Variants in RPGRIP1L observed in about 807,000 individuals in gnomAD.
RPGRIP1L encodes the protein protein fantom.
In RPGRIP1L, 131 loss-of-function variants were observed where a neutral mutation model predicts 160.4. The ratio of observed to expected loss-of-function variants is 0.82; its 90% confidence interval spans 0.71 to 0.94. The LOEUF (loss-of-function observed/expected upper bound fraction) is 0.94, where lower values mean the gene tolerates loss of function less well. Among genes scored for constraint, RPGRIP1L ranks in the 40% least tolerant of loss-of-function variants. The pLI is 0.00. For missense variants in RPGRIP1L, 1,522 were observed against 1,535.8 expected (o/e 0.99, Z 0.15); for synonymous variants, 510 against 515.8 (o/e 0.99, Z 0.15).
chr16:53,686,627 A>G, intron 5 of RPGRIP1L, 51 bp from the exon 6 acceptor site: 1 of 1,590,698 alleles, frequency 6.3e-7, no homozygotes. Flanking sequence ...AAATTTTTCA[A>G]TAGTTAAGAT....
intron 16 of RPGRIP1L, among the ~76,000 whole-genome samples, chr16:53,646,982 A>T: frequency 7.1e-6 from 1 of 141,778 alleles, no homozygotes; most frequent in Admixed American, 6.9e-5. Context: ...GAATGACTGA[A>T]AAAGTACCTC....
chr16:53,695,687 T>C (rs780152130), intron 3 of RPGRIP1L: 13 of 463,394 alleles, frequency 2.8e-5, no homozygotes, highest in Non-Finnish European at 4.2e-5. Context: ...ATATAGAATC[T>C]AGTATAACCC....
chr16:53,648,848 AG>A lies in RPGRIP1L; in HGVS notation c.2304+115del, dbSNP rs1966760819. 4 of 934,284 alleles carry A rather than the reference AG, an allele frequency of 4.3e-6. No homozygotes were observed. The Admixed American group carries it at 6.2e-5, about 15-fold the overall frequency. 57.9% of individuals were successfully genotyped at this position (934,284 alleles called of 1,614,324 possible). ...GAGTATATGATTACTTCAAAATAAA[AG>A]TTAAAAAAAGACACTTGATGGCTGT... On this transcript the variant is annotated intron_variant, in intron 16 of 26. Transcript: ENST00000647211.
At chr16:53,623,545 T>C (rs1462853987) in intron 22 of RPGRIP1L, among the ~76,000 whole-genome samples, 1 of 152,248 alleles carries the variant, frequency 6.6e-6, no homozygotes, top group Admixed American at 6.5e-5. Context: ...CATGGTGTGC[T>C]GTTTTATATT....
intron 4 of RPGRIP1L, 93 bp from the exon 5 acceptor site, chr16:53,688,058 T>A: frequency 1.2e-6 from 1 of 804,650 alleles, no homozygotes; most frequent in Non-Finnish European, 2.1e-6. Flanking sequence ...TAATAAAATC[T>A]CTTAAGTATT....
chr16:53,648,606 A>ATG (rs1555602307), intron 16 of RPGRIP1L, among the ~76,000 whole-genome samples: 2 of 125,112 alleles, frequency 1.6e-5, no homozygotes, highest in Admixed American at 1.6e-4. Context: ...ACATATACGT[A>ATG]CGCGCGTGCG....
rs185414433 is a variant in RPGRIP1L at position 53,665,982 on chromosome 16, A to G, written c.1104-973T>C. ...TTCAGCAGAAAACCATTATCTATGA[A>G]GCTTGATATGACTGAATAATCATCA... On this transcript the variant is annotated intron_variant, in intron 9 of 26. Coordinates refer to ENST00000647211, the MANE Select transcript of RPGRIP1L (RefSeq NM_015272.5). Among the ~76,000 whole-genome samples, 6 of 152,318 alleles carry G rather than the reference A, an allele frequency of 3.9e-5. No homozygotes were observed. The East Asian group carries it at 1.2e-3, about 29-fold the overall frequency.
chr16:53,632,732 AC>A (rs1965599104), intron 22 of RPGRIP1L, among the ~76,000 whole-genome samples: 1 of 152,152 alleles, frequency 6.6e-6, no homozygotes, highest in Non-Finnish European at 1.5e-5. Flanking sequence ...GCCATGCACT[AC>A]GTTCTCTCAG....
At chr16:53,610,203 A>C (rs931760034) in intron 25 of RPGRIP1L, among the ~76,000 whole-genome samples, 3 of 152,206 alleles carry the variant, frequency 2.0e-5, no homozygotes, top group African/African-American at 7.2e-5. Flanking sequence ...GCTCACACAG[A>C]AGCACTAACT....
chr16:53,638,741 GA>G (rs1030312085), intron 19 of RPGRIP1L, among the ~76,000 whole-genome samples: 6 of 149,488 alleles, frequency 4.0e-5, no homozygotes, highest in African/African-American at 9.8e-5. Flanking sequence ...GTGTAACTGT[GA>G]AAAAAAAATG....
intron 9 of RPGRIP1L, among the ~76,000 whole-genome samples, chr16:53,667,893 A>G (rs1968404621): frequency 6.6e-6 from 1 of 151,872 alleles, no homozygotes; most frequent in Admixed American, 6.6e-5. Context: ...TTAAAAAATA[A>G]TAATAAAATT....
intron 25 of RPGRIP1L, among the ~76,000 whole-genome samples, chr16:53,609,361 G>T (rs1371184800): frequency 1.3e-5 from 2 of 152,156 alleles, no homozygotes; most frequent in Non-Finnish European, 2.9e-5. Context: ...GCCTCCCAAA[G>T]TGCTGGGATT....
At chr16:53,643,828 T>C (rs1161353697) in intron 17 of RPGRIP1L, among the ~76,000 whole-genome samples, 3 of 152,098 alleles carry the variant, frequency 2.0e-5, no homozygotes, top group Admixed American at 6.5e-5. Context: ...AAAATACTTA[T>C]GAGACATGCA....
intron 15 of RPGRIP1L, among the ~76,000 whole-genome samples, chr16:53,650,483 G>T (rs1743618776): frequency 6.6e-6 from 1 of 152,138 alleles, no homozygotes; most frequent in Non-Finnish European, 1.5e-5. Flanking sequence ...CAGCACTTTG[G>T]GAGACTGAAG....
chr16:53,659,041 G>A (rs1967534894), intron 10 of RPGRIP1L, 163 bp from the exon 11 acceptor site: 1 of 663,290 alleles, frequency 1.5e-6, no homozygotes, highest in Non-Finnish European at 2.6e-6. Flanking sequence ...AGGGGAATGA[G>A]GAATAAATGA....
chr16:53,677,521 A>G (rs1372226641), intron 6 of RPGRIP1L, among the ~76,000 whole-genome samples: 1 of 152,204 alleles, frequency 6.6e-6, no homozygotes, highest in African/African-American at 2.4e-5. Flanking sequence ...AAAAGTTCAA[A>G]TCAGCAATGT....
intron 9 of RPGRIP1L, among the ~76,000 whole-genome samples, chr16:53,668,162 T>C (rs545688402): frequency 2.0e-5 from 3 of 152,240 alleles, no homozygotes; most frequent in African/African-American, 7.2e-5. Flanking sequence ...AAGAAGATGA[T>C]GCCCCAAATG....
chr16:53,656,656 T>A, intron 13 of RPGRIP1L, 67 bp from the exon 14 acceptor site: 1 of 1,153,436 alleles, frequency 8.7e-7, no homozygotes, highest in Non-Finnish European at 1.3e-6. Flanking sequence ...TCAAAGCAAC[T>A]ATGATTCAAG....
In RPGRIP1L at chr16:53,600,328, CAT is replaced by C. The variant is rs1170117734; in HGVS notation, c.*1746_*1747del. ...CAGAGCCAGCCGAAGTGACAACAAA[CAT>C]GTGGTTGTTTACTAGGACTGGAGAG... is the stretch of plus-strand genomic sequence containing the variant. On this transcript the variant is annotated 3_prime_UTR_variant, in exon 27 of 27. Transcript: ENST00000647211. 2.0e-5 allele frequency: 3 copies of C among 152,658 alleles called. No homozygotes were observed. Among genetic ancestry groups the C allele is most frequent in the Admixed American group, 6.5e-5 (1 of 15,278 alleles). 9.5% of individuals were successfully genotyped at this position (152,658 alleles called of 1,614,324 possible). A position where few individuals can be genotyped will look rare whatever the true frequency, so the allele number is the denominator to read the frequency against.
Sources: gnomAD v4.1 joint callset for allele counts (sites outside exome capture counted in the v4.1 genomes callset) on GRCh38, gnomAD v4.1.1 for gene constraint, MANE v1.5 for transcripts, NCBI Gene and HGNC (gene_info 2026-07-23, HGNC 2026-07-21) for gene names.